The following SLC24A3 variants were observed in gnomAD, a reference collection of about 807,000 sequenced individuals.
SLC24A3 encodes the protein sodium/potassium/calcium exchanger 3.
SLC24A3 carries 28 observed loss-of-function variants against 75.8 expected under a neutral mutation model. The ratio of observed to expected loss-of-function variants is 0.37; its 90% CI spans 0.27 to 0.51. SLC24A3 has a LOEUF of 0.51. Among genes scored for constraint, SLC24A3 ranks in the 20% least tolerant of loss-of-function variants. SLC24A3 has a pLI of 0.94. For synonymous variants in SLC24A3, 372 were observed against 334.1 expected (o/e 1.11, Z -1.24); for missense variants, 663 against 847.8 (o/e 0.78, Z 2.71).
chr20:19,582,361 T>G (rs943207304), intron 4 of SLC24A3, among the ~76,000 whole-genome samples: 2 of 152,228 alleles, frequency 1.3e-5, no homozygotes, highest in Non-Finnish European at 2.9e-5. Flanking sequence ...AGGTTGTCGT[T>G]TCCAGCTTTT....
chr20:19,584,400 C>T lies in SLC24A3; in HGVS notation c.424-571C>T, dbSNP rs561292843. On this transcript the variant is annotated intron_variant, in intron 4 of 16. Coordinates refer to ENST00000328041, the MANE Select transcript of SLC24A3 (RefSeq NM_020689.4). ...ACATGCCTCCATAACCTCCTAAAGA[C>T]TCACAAACTGGTTACCATGAGCGTC... 9.9e-5 allele frequency among the ~76,000 whole-genome samples: 15 copies of T among 152,276 alleles called. No individual in the cohort carries two copies. In the South Asian group the frequency reaches 2.7e-3, roughly 27 times the overall value.
At chr20:19,361,819 G>C (rs973012124) in intron 2 of SLC24A3, among the ~76,000 whole-genome samples, 23 of 152,168 alleles carry the variant, frequency 1.5e-4, no homozygotes, top group African/African-American at 5.3e-4. Context: ...ATAGAATCTA[G>C]GTGCTGGGTA....
At position 19,631,791 on chromosome 20, in the gene SLC24A3, AGTGT is replaced by A. The variant is rs148278633; in HGVS notation, c.613-22242_613-22239del. ...CTCTGTATCTGTGTGTATGAGTGAG[AGTGT>A]GTGTGTGTGTGTGTGTGTGTGTGTG... On this transcript the variant is annotated intron_variant, in intron 6 of 16. Transcript: ENST00000328041. Among the ~76,000 whole-genome samples, 442 of 147,918 alleles carry A rather than the reference AGTGT, an allele frequency of 3.0e-3. 1 individual carries two copies. Among genetic ancestry groups the A allele is most frequent in the Admixed American group, 0.012 (180 of 14,872 alleles).
intron 3 of SLC24A3, among the ~76,000 whole-genome samples, chr20:19,539,403 A>G (rs978606361): frequency 6.6e-6 from 1 of 152,150 alleles, no homozygotes; most frequent in East Asian, 1.9e-4. Flanking sequence ...GTTGGCAGAG[A>G]CACAGCTTTG....
At chr20:19,445,050 A>G in intron 2 of SLC24A3, among the ~76,000 whole-genome samples, 1 of 152,210 alleles carries the variant, frequency 6.6e-6, no homozygotes, top group East Asian at 1.9e-4. Flanking sequence ...TTTTAAAAAT[A>G]CAAAGATAAC....
intron 2 of SLC24A3, among the ~76,000 whole-genome samples, chr20:19,323,739 G>A (rs1393069423): frequency 2.0e-5 from 3 of 152,152 alleles, no homozygotes; most frequent in African/African-American, 7.2e-5. Flanking sequence ...GAGAAGTGCT[G>A]GAAGCCACAC....
chr20:19,409,833 ATG>A lies in SLC24A3; in HGVS notation c.272-105641_272-105640del, dbSNP rs10638924. On this transcript the variant is annotated intron_variant, in intron 2 of 16. Transcript: ENST00000328041. ...TATGTATAGTTTGAATATATATAATATGTGTGTGTGTGTGTATATATATATAT... is the reference window on the plus strand; with the variant it reads ...TATGTATAGTTTGAATATATATAATATGTGTGTGTGTGTATATATATATAT... Among the ~76,000 whole-genome samples, 1,063 of 145,314 alleles carry A rather than the reference ATG, an allele frequency of 7.3e-3. 11 individuals carry two copies. Among genetic ancestry groups the A allele is most frequent in the African/African-American group, 0.026 (988 of 37,902 alleles).
intron 1 of SLC24A3, among the ~76,000 whole-genome samples, chr20:19,254,462 G>T (rs1174427899): frequency 1.3e-5 from 2 of 152,168 alleles, no homozygotes; most frequent in Non-Finnish European, 2.9e-5. Context: ...GGCACGTTTT[G>T]GGGACAAAAG....
chr20:19,556,544 G>A (rs2030786753), intron 3 of SLC24A3, among the ~76,000 whole-genome samples: 1 of 146,948 alleles, frequency 6.8e-6, no homozygotes, highest in South Asian at 2.2e-4. Context: ...TTTAGCTAGA[G>A]TGTAAAATTG....
Position 19,668,719 on chromosome 20 carries a change from CA to C in SLC24A3, c.713+2831del, listed in dbSNP as rs1243260254. Among the ~76,000 whole-genome samples, 2 of 152,280 alleles carry C rather than the reference CA, an allele frequency of 1.3e-5. 1 individual carries two copies. Among genetic ancestry groups the C allele is most frequent in the South Asian group, 4.1e-4 (2 of 4,826 alleles). ...ATTCAGTCAAAAAAATGGTGGTTGA[CA>C]GTTAGTCAGGATTGATTTTAGTAGC... On this transcript the variant is annotated intron_variant, in intron 8 of 16. Coordinates refer to ENST00000328041, the MANE Select transcript of SLC24A3 (RefSeq NM_020689.4).
At chr20:19,592,015 T>C (rs2031385178) in intron 6 of SLC24A3, among the ~76,000 whole-genome samples, 1 of 152,218 alleles carries the variant, frequency 6.6e-6, no homozygotes. Context: ...AGTATGTTTG[T>C]AAGAAACCAC....
At chr20:19,680,320 T>C (rs764189226) in intron 9 of SLC24A3, among the ~76,000 whole-genome samples, 1 of 152,210 alleles carries the variant, frequency 6.6e-6, no homozygotes, top group Non-Finnish European at 1.5e-5. Context: ...TCCCTTGGCC[T>C]ATGTGTTTCC....
At chr20:19,620,258 T>G (rs1301448604) in intron 6 of SLC24A3, among the ~76,000 whole-genome samples, 1 of 152,220 alleles carries the variant, frequency 6.6e-6, no homozygotes, top group Non-Finnish European at 1.5e-5. Flanking sequence ...ACGATTACTC[T>G]TTTTCCTTTG....
intron 2 of SLC24A3, among the ~76,000 whole-genome samples, chr20:19,291,173 A>G (rs6106055): frequency 0.059 from 8,994 of 152,242 alleles, 587 homozygotes; most frequent in African/African-American, 0.17. Context: ...GCCTTGGGGC[A>G]CATCTCCCGG....
At chr20:19,299,194 G>GTA (rs201512608) in intron 2 of SLC24A3, among the ~76,000 whole-genome samples, 21 of 139,290 alleles carry the variant, frequency 1.5e-4, no homozygotes, top group South Asian at 2.3e-4. Flanking sequence ...GTGTGTGTGT[G>GTA]TGTATGTGTG....
At position 19,626,954 on chromosome 20, in the gene SLC24A3, A is replaced by G. The variant is rs144909583; in HGVS notation, c.613-27108A>G. On this transcript the variant is annotated intron_variant, in intron 6 of 16. Coordinates refer to ENST00000328041, the MANE Select transcript of SLC24A3 (RefSeq NM_020689.4). ...AGTCTTAAGGGCGACCTTGGACAAGAACCTGGATTCCTGCTTCTAACTGAA... is the reference window on the plus strand; with the variant it reads ...AGTCTTAAGGGCGACCTTGGACAAGGACCTGGATTCCTGCTTCTAACTGAA... Among the ~76,000 whole-genome samples the G allele has an allele frequency of 1.8e-4, 28 of 152,368 alleles. No individual in the cohort carries two copies. The East Asian group carries it at 3.9e-3, about 21-fold the overall frequency.
chr20:19,669,433 C>T (rs755308017), intron 8 of SLC24A3, among the ~76,000 whole-genome samples: 5 of 151,176 alleles, frequency 3.3e-5, no homozygotes, highest in Admixed American at 6.6e-5. Context: ...ACCCTGGCAG[C>T]GGAGGTTGCT....
rs1600404465 is a variant in SLC24A3, at chr20:19,272,788, C to T, written c.143-8171C>T. On this transcript the variant is annotated intron_variant, in intron 1 of 16. Transcript: ENST00000328041. ...GTAGCTCTAATGAAGTGCTGGGACA[C>T]AATGGCTACAGCATCCAGGCTGTCA... Among the ~76,000 whole-genome samples, 5 of 152,270 alleles carry T rather than the reference C, an allele frequency of 3.3e-5. No homozygotes were observed. The South Asian group carries it at 1.0e-3, about 32-fold the overall frequency.
At position 19,314,751 on chromosome 20, in the gene SLC24A3, G is replaced by A. The variant is rs371964831; in HGVS notation, c.271+33664G>A. Among the ~76,000 whole-genome samples the A allele has an allele frequency of 1.0e-3, 154 of 152,300 alleles. 2 individuals carry two copies. The highest frequency in any genetic ancestry group is 3.1e-3 in the African/African-American group (130 of 41,576). ...TGCCATGCCAGCACGCTTCCCATCC[G>A]TACTCACAGTCTTCCGGAAGGAATG... On this transcript the variant is annotated intron_variant, in intron 2 of 16. Coordinates refer to ENST00000328041, the MANE Select transcript of SLC24A3 (RefSeq NM_020689.4).
Sources: gnomAD v4.1 joint callset for allele counts (sites outside exome capture counted in the v4.1 genomes callset) on GRCh38, gnomAD v4.1.1 for gene constraint, MANE v1.5 for transcripts, NCBI Gene and HGNC (gene_info 2026-07-23, HGNC 2026-07-21) for gene names.